RYR1: variants seen among roughly 807,000 people sequenced by gnomAD.
RYR1 encodes the protein ryanodine receptor 1.
A neutral mutation model predicts 583.5 loss-of-function variants in RYR1; 342 were observed. The ratio of observed to expected loss-of-function variants is 0.59; its 90% CI spans 0.54 to 0.64. The LOEUF is 0.64. RYR1 is among the 30% of genes least tolerant of loss of function. RYR1 has a pLI of 0.00. For synonymous variants in RYR1, 2,791 were observed against 2,822.5 expected (o/e 0.99, Z 0.35); for missense variants, 6,032 against 6,917.2 (o/e 0.87, Z 4.54).
At chr19:38,526,383 G>A (rs1480467697) in intron 71 of RYR1, among the ~76,000 whole-genome samples, 1 of 146,566 alleles carries the variant, frequency 6.8e-6, no homozygotes, top group Non-Finnish European at 1.5e-5. Flanking sequence ...CTAACCCCCT[G>A]GACCCCTAAA....
intron 1 of RYR1, among the ~76,000 whole-genome samples, chr19:38,440,063 C>G (rs1972601919): frequency 6.6e-6 from 1 of 152,222 alleles, no homozygotes; most frequent in Admixed American, 6.5e-5. Context: ...CAAATCCCAG[C>G]TCCTCCTGTT....
chr19:38,489,540 G>C, intron 35 of RYR1, 97 bp downstream of exon 35: 3 of 1,401,202 alleles, frequency 2.1e-6, no homozygotes, highest in East Asian at 2.3e-5. Flanking sequence ...TCAGGCAGTG[G>C]GGAGCTGTGG....
rs2229146 is a variant in RYR1, at chr19:38,506,350, T to C, written c.8589T>C (p.Ser2863=). The C allele has an allele frequency of 0.29, 461,889 of 1,613,406 alleles. 69,952 individuals are homozygous for C. The highest frequency in any genetic ancestry group is 0.45 in the South Asian group (40,732 of 91,032). ...ACAACCCTCAGCCCCCCGACCTTAG[T>C]GCTGTTACCCTGTCCCGGGAGCTGC... is the stretch of plus-strand genomic sequence containing the variant. ...EGYNPQPPDL[S]AVTLSRELQA... is the part of the protein sequence containing the mutation. The change falls in exon 55 of 106, where the codon AGT becomes AGC. Residue 2863 remains serine, a synonymous_variant. Transcript: ENST00000359596.
chr19:38,547,979 C>T (rs905983599), intron 88 of RYR1, among the ~76,000 whole-genome samples: 6 of 152,176 alleles, frequency 3.9e-5, no homozygotes, highest in Non-Finnish European at 7.3e-5. Flanking sequence ...TCCCAAAGTG[C>T]TGGGATTACA....
Position 38,499,255 on chromosome 19 carries a change from G to T in RYR1, c.7027+12G>T. The stretch of plus-strand genomic sequence containing the variant: ...TGTCTTCGTCAACGGTGAGGAGGGG[G>T]TGGCAGTGGCAGAGCGGGAAGTATG... On this transcript the variant is annotated intron_variant, in intron 43 of 105. Transcript: ENST00000359596. This position sits in a 1 kb window ranked among gnomAD's most constrained non-coding sequence, Gnocchi z 7.3. The T allele has an allele frequency of 6.2e-7, 1 of 1,614,176 alleles. No homozygotes were observed. Among genetic ancestry groups the T allele is most frequent in the Non-Finnish European group, 8.5e-7 (1 of 1,180,006 alleles).
At chr19:38,462,251 T>C (rs1967793888) in intron 20 of RYR1, among the ~76,000 whole-genome samples, 1 of 152,204 alleles carries the variant, frequency 6.6e-6, no homozygotes, top group Admixed American at 6.5e-5. Context: ...TGATATCTGA[T>C]AGCATTGTTC....
intron 70 of RYR1, 73 bp downstream of exon 70, chr19:38,524,002 C>A: frequency 1.3e-6 from 2 of 1,567,992 alleles, no homozygotes; most frequent in Admixed American, 1.7e-5. Context: ...TGCACGCCCC[C>A]GCCTCGAGAA....
rs189845935 is a variant in RYR1 at position 38,444,535 on chromosome 19, C to T, written c.538-49C>T. 260 of 1,535,110 alleles carry T rather than the reference C, an allele frequency of 1.7e-4. No individual in the cohort carries two copies. The African/African-American group carries it at 3.1e-3, about 18-fold the overall frequency. ...TTCTGGCCTCTGACGCTGGGACTCT[C>T]GCCCACCCCTGCAATCGTCTCTGAC... On this transcript the variant is annotated intron_variant, in intron 6 of 105. Transcript: ENST00000359596. The surrounding 1 kb of genome is among the most constrained non-coding windows in gnomAD (Gnocchi z 5.1).
At chr19:38,459,013 C>T (rs1451692130) in intron 18 of RYR1, 133 bp from the exon 19 acceptor site, 3 of 792,352 alleles carry the variant, frequency 3.8e-6, no homozygotes, top group South Asian at 1.4e-5. Context: ...CGGGAGCATC[C>T]AAGGGAGCAC....
intron 11 of RYR1, among the ~76,000 whole-genome samples, chr19:38,450,373 C>G: frequency 6.6e-6 from 1 of 152,042 alleles, no homozygotes; most frequent in Non-Finnish European, 1.5e-5. Context: ...CCCCAAGCAA[C>G]TGGAAGGATG....
chr19:38,553,509 ATGTGGAGG>A (rs1401246540), intron 89 of RYR1, among the ~76,000 whole-genome samples: 2 of 151,278 alleles, frequency 1.3e-5, no homozygotes, highest in Non-Finnish European at 2.9e-5. Context: ...AATTAGCTGG[ATGTGGAGG>A]TGTGCACCTG....
intron 68 of RYR1, 37 bp downstream of exon 68, chr19:38,523,152 AGGAGCCGCAGCCCAC>A (rs1568534869): frequency 6.2e-7 from 1 of 1,613,958 alleles, no homozygotes; most frequent in Admixed American, 1.7e-5. Context: ...CCACAACCAG[AGGAGCCGCAGCCCAC>A]AGGCGCCTGC....
rs966063880 is a variant in RYR1, at chr19:38,543,968, G to T, written c.12012+93G>T. The T allele has an allele frequency of 1.6e-6, 2 of 1,236,068 alleles. No homozygotes were observed. Among genetic ancestry groups the T allele is most frequent in the Non-Finnish European group, 2.3e-6 (2 of 867,798 alleles). The allele number at this position is 1,236,068 out of a possible 1,614,324, so 76.6% of individuals were successfully genotyped here. ...TGCCCCTTTGGTCAGTTTGTCACCC[G>T]AGTGCTCCCGGCATGTTCCAGACTG... On this transcript the variant is annotated intron_variant, in intron 87 of 105. Coordinates refer to ENST00000359596, the MANE Select transcript of RYR1 (RefSeq NM_000540.3). This position sits in a 1 kb window ranked among gnomAD's most constrained non-coding sequence, Gnocchi z 4.4.
chr19:38,484,161 G>A (rs1385178478), intron 33 of RYR1, among the ~76,000 whole-genome samples: 1 of 152,002 alleles, frequency 6.6e-6, no homozygotes, highest in African/African-American at 2.4e-5. Flanking sequence ...TTGTGGTGGT[G>A]TGCACCCATC....
At position 38,564,949 on chromosome 19, in the gene RYR1, C is replaced by A; in HGVS notation, c.12625-10C>A. 1 of 1,571,000 alleles carries A rather than the reference C, an allele frequency of 6.4e-7. No individual in the cohort carries two copies. The highest frequency in any genetic ancestry group is 2.3e-5 in the East Asian group (1 of 42,906). On this transcript the variant is annotated splice_polypyrimidine_tract_variant and intron_variant, in intron 90 of 105. Transcript: ENST00000359596. ...CGGCGCCCTATCCTGTCTGCCGCCC[C>A]TCGCTTCAGGTGAAGGAGTCCAAGC...
intron 20 of RYR1, 102 bp downstream of exon 20, chr19:38,460,693 G>A (rs1260327366): frequency 8.5e-7 from 1 of 1,170,194 alleles, no homozygotes; most frequent in Non-Finnish European, 1.2e-6. Flanking sequence ...CAGCACTTTG[G>A]ATGGCCAGGC....
chr19:38,495,143 C>T (rs1969757141), intron 39 of RYR1, among the ~76,000 whole-genome samples: 1 of 152,076 alleles, frequency 6.6e-6, no homozygotes, highest in African/African-American at 2.4e-5. Context: ...TGAGCCACCA[C>T]ACCCAGCTGA....
chr19:38,543,375 A>G lies in RYR1; in HGVS notation c.11718A>G (p.Thr3906=). Residue 3906 remains threonine, a synonymous_variant, in exon 85 of 106, where the codon ACA becomes ACG. Transcript: ENST00000359596. The surrounding 1 kb of genome is among the most constrained non-coding windows in gnomAD (Gnocchi z 4.4). ...TCCAGAACTACCTACGGACACAGAC[A>G]GGGAACACGACCACTATTAACATCA... ...NDFQNYLRTQ[T]GNTTTINIII... is the part of the protein sequence containing the mutation. 1.2e-6 allele frequency: 2 copies of G among 1,614,226 alleles called. No homozygotes were observed. Among genetic ancestry groups the G allele is most frequent in the Non-Finnish European group, 1.7e-6 (2 of 1,180,038 alleles).
intron 47 of RYR1, among the ~76,000 whole-genome samples, chr19:38,501,745 A>G (rs1006850984): frequency 6.6e-6 from 1 of 151,946 alleles, no homozygotes; most frequent in African/African-American, 2.4e-5. Flanking sequence ...TAACTTTGGG[A>G]GGCCGAGGCG....
Sources: allele counts gnomAD v4.1 joint callset (sites outside exome capture counted in the v4.1 genomes callset), GRCh38; gene constraint gnomAD v4.1.1; non-coding constraint Gnocchi (gnomAD v3.1); transcripts MANE v1.5; gene names NCBI Gene and HGNC (gene_info 2026-07-23, HGNC 2026-07-21).